KCNH8: variants seen among roughly 807,000 people sequenced by gnomAD.
The protein encoded by KCNH8 is potassium voltage-gated channel subfamily H member 8.
A neutral mutation model predicts 103.6 loss-of-function variants in KCNH8; 70 were observed. That is an observed-to-expected ratio of 0.68 (90% CI 0.56 to 0.82). The LOEUF (loss-of-function observed/expected upper bound fraction) is 0.82, where lower values mean the gene tolerates loss of function less well. Among genes scored for constraint, KCNH8 ranks in the 40% least tolerant of loss-of-function variants. The probability of loss-of-function intolerance (pLI) is 0.00; values close to 1 mark genes in which losing one functional copy is unlikely to be tolerated. For missense variants in KCNH8, 1,217 were observed against 1,329.9 expected, an observed-to-expected ratio of 0.92 and a Z score of 1.32; for synonymous variants, 498 against 489.4, an observed-to-expected ratio of 1.02 and a Z score of -0.23.
intron 11 of KCNH8, among the ~76,000 whole-genome samples, chr3:19,494,028 C>T (rs368196345): frequency 1.3e-5 from 2 of 152,008 alleles, no homozygotes; most frequent in East Asian, 1.9e-4. Context: ...CAAGTAGGCC[C>T]CAGTGTCTGT....
intron 7 of KCNH8, among the ~76,000 whole-genome samples, chr3:19,436,936 A>G (rs1483245067): frequency 1.3e-5 from 2 of 152,176 alleles, no homozygotes; most frequent in Admixed American, 6.5e-5. Context: ...AAAGGTTGAA[A>G]AACACTCTGT....
chr3:19,398,816 A>G (rs1479107700), intron 7 of KCNH8, among the ~76,000 whole-genome samples: 2 of 152,064 alleles, frequency 1.3e-5, no homozygotes, highest in Non-Finnish European at 2.9e-5. Context: ...TATTATGACA[A>G]TTACTTCTAA....
intron 1 of KCNH8, among the ~76,000 whole-genome samples, chr3:19,241,255 A>G (rs566871212): frequency 2.0e-5 from 3 of 152,236 alleles, no homozygotes; most frequent in Admixed American, 1.3e-4. Flanking sequence ...CTGTTCATAC[A>G]TAACTTCTGT....
chr3:19,534,904 C>T lies in KCNH8; in HGVS notation c.*805C>T, dbSNP rs2069240773. The T allele has an allele frequency of 6.6e-6, 1 of 152,122 alleles. No individual in the cohort carries two copies. The allele number at this position is 152,122 out of a possible 1,614,324, so 9.4% of individuals were successfully genotyped here. On this transcript the variant is annotated 3_prime_UTR_variant, in exon 16 of 16. Coordinates refer to ENST00000328405, the MANE Select transcript of KCNH8 (RefSeq NM_144633.3). The stretch of plus-strand genomic sequence containing the variant: ...GCATGCAGTTTGCAACAAATGTATT[C>T]TCATGCTTCTGGATTATAAAAGAAA...
At chr3:19,285,371 C>T (rs2064816697) in intron 3 of KCNH8, among the ~76,000 whole-genome samples, 1 of 152,080 alleles carries the variant, frequency 6.6e-6, no homozygotes, top group Admixed American at 6.6e-5. Context: ...GTTAGTCCTT[C>T]TAGAAGCTGC....
chr3:19,444,749 C>T (rs994397950), intron 8 of KCNH8, among the ~76,000 whole-genome samples: 1 of 150,340 alleles, frequency 6.7e-6, no homozygotes, highest in Non-Finnish European at 1.5e-5. Flanking sequence ...TACAAAGGTG[C>T]TCAATGTCAT....
intron 5 of KCNH8, among the ~76,000 whole-genome samples, chr3:19,352,125 C>T (rs1271926820): frequency 2.6e-5 from 4 of 151,988 alleles, no homozygotes; most frequent in Non-Finnish European, 5.9e-5. Context: ...CAACAAAGAT[C>T]AAAAGAGACA....
At chr3:19,480,677 G>C (rs1456647304) in intron 11 of KCNH8, among the ~76,000 whole-genome samples, 6 of 152,094 alleles carry the variant, frequency 3.9e-5, no homozygotes, top group Admixed American at 3.9e-4. Flanking sequence ...TGGTATGCTT[G>C]CTTTCATTTG....
At chr3:19,209,902 C>T (rs890522657) in intron 1 of KCNH8, among the ~76,000 whole-genome samples, 11 of 152,094 alleles carry the variant, frequency 7.2e-5, no homozygotes, top group African/African-American at 2.6e-4. Flanking sequence ...TAGGTAAGCC[C>T]TCAAGTGGGC....
At chr3:19,271,641 AC>A (rs2064589713) in intron 2 of KCNH8, among the ~76,000 whole-genome samples, 5 of 152,164 alleles carry the variant, frequency 3.3e-5, no homozygotes. Context: ...ATAATACTTC[AC>A]AGCTCTTAAC....
chr3:19,395,209 C>T lies in KCNH8; in HGVS notation c.1075C>T (p.Leu359Phe). Residue 359 changes from leucine (L) to phenylalanine (F), a missense_variant, in exon 7 of 16, where the codon CTC becomes TTC. Physicochemically the swap from Leu to Phe is conservative, Grantham distance 22. This residue lies in a region of KCNH8 where 415 missense variants were observed against 577.4 expected (regional missense o/e 0.72). Coordinates refer to ENST00000328405, the MANE Select transcript of KCNH8 (RefSeq NM_144633.3). ...SQHSTIVLTL[L>F]MSMFALLAHW... is the part of the protein sequence containing the mutation. ...ACACAGTACTATCGTCCTGACTCTG[C>T]TCATGTCCATGTTTGCACTCCTTGC... The T allele has an allele frequency of 3.1e-6, 5 of 1,609,196 alleles. No individual in the cohort carries two copies. The highest frequency in any genetic ancestry group is 4.2e-6 in the Non-Finnish European group (5 of 1,177,920).
chr3:19,342,886 G>A (rs77910137), intron 4 of KCNH8, among the ~76,000 whole-genome samples, 172 bp downstream of exon 4: 3,543 of 152,086 alleles, frequency 0.023, 102 homozygotes, highest in East Asian at 0.11. Context: ...CAGTCATGAG[G>A]CATTTCTATA....
At chr3:19,287,763 T>G (rs76537128) in intron 3 of KCNH8, among the ~76,000 whole-genome samples, 2 of 152,162 alleles carry the variant, frequency 1.3e-5, no homozygotes, top group Non-Finnish European at 2.9e-5. Context: ...TTTTTGTATT[T>G]TTAGTAGAGA....
chr3:19,533,221 A>AAAAAG (rs1384179770), intron 15 of KCNH8, among the ~76,000 whole-genome samples, 174 bp from the exon 16 acceptor site: 1 of 149,940 alleles, frequency 6.7e-6, no homozygotes, highest in Non-Finnish European at 1.5e-5. Context: ...AAAAAAAAGG[A>AAAAAG]AAAAGAAAAA....
chr3:19,389,199 A>C (rs747237356), intron 5 of KCNH8, among the ~76,000 whole-genome samples: 1 of 152,160 alleles, frequency 6.6e-6, no homozygotes, highest in African/African-American at 2.4e-5. Context: ...TACAGTTGCT[A>C]TATGTCAAAA....
Position 19,534,100 on chromosome 3 carries a change from T to C in KCNH8, c.*1T>C, listed in dbSNP as rs370824371. The C allele has an allele frequency of 3.2e-5, 51 of 1,603,572 alleles. No homozygotes were observed. Among genetic ancestry groups the C allele is most frequent in the African/African-American group, 2.7e-4 (20 of 74,616 alleles). On this transcript the variant is annotated 3_prime_UTR_variant, in exon 16 of 16. Coordinates refer to ENST00000328405, the MANE Select transcript of KCNH8 (RefSeq NM_144633.3). Reference sequence around the variant, plus strand: ...AGATAACAAAGCCATAAATGTATGATATTAGTGCCCATGATGCAGCAGCTA... The same window carrying C: ...AGATAACAAAGCCATAAATGTATGACATTAGTGCCCATGATGCAGCAGCTA...
intron 3 of KCNH8, among the ~76,000 whole-genome samples, chr3:19,315,377 A>C (rs926144720): frequency 1.3e-5 from 2 of 151,864 alleles, no homozygotes; most frequent in Admixed American, 1.3e-4. Context: ...AGTTGCCTGC[A>C]CTCTCTGTGA....
intron 5 of KCNH8, among the ~76,000 whole-genome samples, chr3:19,348,480 A>C (rs774754336): frequency 3.3e-5 from 5 of 152,122 alleles, no homozygotes; most frequent in Non-Finnish European, 5.9e-5. Flanking sequence ...TAATTAAAGA[A>C]AAGGCCCCAA....
rs1252632656 is a variant in KCNH8, at chr3:19,510,446, G to A, written c.2079+45G>A. 7 of 1,156,182 alleles carry A rather than the reference G, an allele frequency of 6.1e-6. 1 individual carries two copies. The highest frequency in any genetic ancestry group is 9.2e-6 in the Non-Finnish European group (7 of 763,490). 71.6% of individuals were successfully genotyped at this position (1,156,182 alleles called of 1,614,324 possible). On this transcript the variant is annotated intron_variant, in intron 12 of 15. Coordinates refer to ENST00000328405, the MANE Select transcript of KCNH8 (RefSeq NM_144633.3). ...GCAAAATATTTATCTAAAATCTGGA[G>A]GATTACCAATAAATCTGTCTTGTCT...
Sources: gnomAD v4.1 joint callset for allele counts (sites outside exome capture counted in the v4.1 genomes callset) on GRCh38, gnomAD v4.1.1 for gene constraint, gnomAD v4.1.1 regional missense constraint, MANE v1.5 for transcripts, NCBI Gene and HGNC (gene_info 2026-07-23, HGNC 2026-07-21) for gene names.